The following ELAVL2 variants were observed in gnomAD, a reference collection of about 807,000 sequenced individuals.
The protein encoded by ELAVL2 is ELAV like RNA binding protein 2, also known as ELAV-like protein 2.
Under a neutral mutation model 34.6 loss-of-function variants are expected in ELAVL2, and 4 were observed. The ratio of observed to expected loss-of-function variants is 0.12; its 90% confidence interval spans 0.06 to 0.26. The LOEUF is 0.26. Ranked by LOEUF, ELAVL2 falls within the 10% of genes least tolerant of loss-of-function variation. The pLI is 1.00. For synonymous variants in ELAVL2, 193 were observed against 154.8 expected (o/e 1.25, Z -1.83); for missense variants, 432 against 442.8 (o/e 0.98, Z 0.22).
intron 2 of ELAVL2, among the ~76,000 whole-genome samples, chr9:23,755,349 A>G (rs546252192): frequency 1.3e-5 from 2 of 152,348 alleles, no homozygotes; most frequent in African/African-American, 4.8e-5. Context: ...AAATTGTTCT[A>G]TAAAAATACC....
rs143154252 is a variant in ELAVL2 at position 23,767,758 on chromosome 9, G to A, written c.-15-5509C>T. ...ACTTCACTCCATCCTGGGTGACAGT[G>A]AGAGACTCTGTCTCCAAAATAAGTA... On this transcript the variant is annotated intron_variant, in intron 1 of 6. Transcript: ENST00000397312. 2.6e-3 allele frequency among the ~76,000 whole-genome samples: 394 copies of A among 152,278 alleles called. 1 individual carries two copies. The highest frequency in any genetic ancestry group is 9.2e-3 in the African/African-American group (384 of 41,560).
intron 1 of ELAVL2, among the ~76,000 whole-genome samples, chr9:23,814,913 G>A (rs2063502530): frequency 6.6e-6 from 1 of 152,110 alleles, no homozygotes; most frequent in Admixed American, 6.6e-5. Context: ...CAGATACACT[G>A]TGATTTGCTT....
At chr9:23,741,082 C>G (rs1241644061) in intron 2 of ELAVL2, among the ~76,000 whole-genome samples, 1 of 152,138 alleles carries the variant, frequency 6.6e-6, no homozygotes, top group Non-Finnish European at 1.5e-5. Context: ...GCAGGGGTTT[C>G]AGGCTTAACC....
chr9:23,783,528 C>A (rs912881590), intron 1 of ELAVL2: 1 of 985,028 alleles, frequency 1.0e-6, no homozygotes, highest in African/African-American at 1.7e-5. Context: ...GGAGATGGAG[C>A]TTTCAAATAA....
At chr9:23,698,533 C>T (rs2036056532) in intron 5 of ELAVL2, among the ~76,000 whole-genome samples, 2 of 152,140 alleles carry the variant, frequency 1.3e-5, no homozygotes, top group Admixed American at 6.5e-5. Flanking sequence ...CAATCTCTCT[C>T]AACTCCCAAG....
the ELAVL2 span, among the ~76,000 whole-genome samples, chr9:23,847,068 A>G: frequency 1.3e-5 from 2 of 152,148 alleles, no homozygotes; most frequent in Non-Finnish European, 2.9e-5. Flanking sequence ...GCACTTACAT[A>G]TATGATTAAA....
the ELAVL2 span, among the ~76,000 whole-genome samples, chr9:23,844,957 G>C: frequency 6.6e-6 from 1 of 151,848 alleles, no homozygotes; most frequent in African/African-American, 2.4e-5. Flanking sequence ...AAGATCCTTT[G>C]TTTTTTTCTT....
rs117173994 is a variant in ELAVL2, at chr9:23,807,945, T to G, written c.-16+17861A>C. 3.8e-3 allele frequency among the ~76,000 whole-genome samples: 572 copies of G among 152,292 alleles called. 3 individuals carry two copies. The highest frequency in any genetic ancestry group is 5.5e-3 in the Non-Finnish European group (373 of 68,010). On this transcript the variant is annotated intron_variant, in intron 1 of 6. Coordinates refer to ENST00000397312, the MANE Select transcript of ELAVL2 (RefSeq NM_004432.5). ...ACCACATAGCTTTCAGAGTAAAAGT[T>G]GCCAAATTACGTTGTCCTGCAAAGA... is the stretch of plus-strand genomic sequence containing the variant.
chr9:23,736,597 T>G (rs1448171205), intron 2 of ELAVL2, among the ~76,000 whole-genome samples: 1 of 152,146 alleles, frequency 6.6e-6, no homozygotes, highest in Non-Finnish European at 1.5e-5. Flanking sequence ...AGTGAAGATG[T>G]GCAAGACGTT....
intron 3 of ELAVL2, among the ~76,000 whole-genome samples, chr9:23,721,640 G>A (rs1479555156): frequency 6.6e-6 from 1 of 152,108 alleles, no homozygotes; most frequent in Non-Finnish European, 1.5e-5. Flanking sequence ...GGAACAATAT[G>A]GGTTTGAACT....
chr9:23,841,757 T>C, the ELAVL2 span, among the ~76,000 whole-genome samples: 1 of 152,154 alleles, frequency 6.6e-6, no homozygotes. Flanking sequence ...CTTGTTTTAC[T>C]TTGTAGGGTT....
Position 23,813,529 on chromosome 9 carries a change from C to T in ELAVL2, c.-16+12277G>A, listed in dbSNP as rs554394162. 3.3e-5 allele frequency among the ~76,000 whole-genome samples: 5 copies of T among 151,850 alleles called. No homozygotes were observed. The East Asian group carries it at 9.7e-4, about 30-fold the overall frequency. On this transcript the variant is annotated intron_variant, in intron 1 of 6. Coordinates refer to ENST00000397312, the MANE Select transcript of ELAVL2 (RefSeq NM_004432.5). ...CCTCTTTTAAACAGCTCATAACATC[C>T]TATCAGTTTTTACAGCATCAAGTAG...
intron 1 of ELAVL2, chr9:23,764,964 G>A: frequency 6.3e-7 from 1 of 1,578,040 alleles, no homozygotes; most frequent in Non-Finnish European, 8.7e-7. Context: ...CCTCCAACAT[G>A]CTAAAAAAAA....
At chr9:23,713,945 T>C (rs970961554) in intron 3 of ELAVL2, among the ~76,000 whole-genome samples, 2 of 152,212 alleles carry the variant, frequency 1.3e-5, no homozygotes, top group East Asian at 1.9e-4. Flanking sequence ...TTAGGTCTTC[T>C]ATCTCTTTAT....
rs1029040112 is a variant in ELAVL2, at chr9:23,788,293, A to G, written c.-15-26044T>C. ...TGTTAACTCTACGGTGATCCCTTCTAGCATTTGCCATCCTAAGTCTTGATT... is the reference window on the plus strand; with the variant it reads ...TGTTAACTCTACGGTGATCCCTTCTGGCATTTGCCATCCTAAGTCTTGATT... On this transcript the variant is annotated intron_variant, in intron 1 of 6. Transcript: ENST00000397312. Among the ~76,000 whole-genome samples the G allele has an allele frequency of 4.6e-5, 7 of 152,338 alleles. No homozygotes were observed. The South Asian group carries it at 1.4e-3, about 32-fold the overall frequency.
intron 2 of ELAVL2, among the ~76,000 whole-genome samples, chr9:23,743,823 G>A (rs573157087): frequency 6.6e-6 from 1 of 152,162 alleles, no homozygotes; most frequent in Non-Finnish European, 1.5e-5. Context: ...TTAATCTGCT[G>A]TTACTGAAGT....
intron 5 of ELAVL2, among the ~76,000 whole-genome samples, chr9:23,698,917 G>A (rs1199154718): frequency 1.3e-5 from 2 of 152,084 alleles, no homozygotes; most frequent in Non-Finnish European, 2.9e-5. Context: ...TTTATTATCT[G>A]GACAGGGATC....
intron 1 of ELAVL2, among the ~76,000 whole-genome samples, chr9:23,783,991 G>A (rs932047036): frequency 6.6e-6 from 1 of 151,818 alleles, no homozygotes; most frequent in Non-Finnish European, 1.5e-5. Flanking sequence ...TCAGGAGATC[G>A]AGACCATCCT....
At chr9:23,755,760 T>C (rs767948616) in intron 2 of ELAVL2, among the ~76,000 whole-genome samples, 2 of 152,118 alleles carry the variant, frequency 1.3e-5, no homozygotes, top group Non-Finnish European at 2.9e-5. Flanking sequence ...CTTTCTGCCA[T>C]CTTTCTAATT....
Sources: allele counts gnomAD v4.1 joint callset (sites outside exome capture counted in the v4.1 genomes callset), GRCh38; gene constraint gnomAD v4.1.1; transcripts MANE v1.5; gene names NCBI Gene and HGNC (gene_info 2026-07-23, HGNC 2026-07-21).